PCDHGA3: variants seen among roughly 807,000 people sequenced by gnomAD.
The protein encoded by PCDHGA3 is protocadherin gamma-A3.
PCDHGA3 carries 40 observed loss-of-function variants against 58.5 expected under a neutral mutation model. That is an observed-to-expected ratio of 0.68 (90% CI 0.53 to 0.89). The LOEUF is 0.89. Ranked by LOEUF, PCDHGA3 falls within the 40% of genes least tolerant of loss-of-function variation. The pLI is 0.00. For missense variants in PCDHGA3, 1,223 were observed against 1,195.9 expected (o/e 1.02, Z -0.33); for synonymous variants, 530 against 525.7 (o/e 1.01, Z -0.11).
chr5:141,357,319 T>C, intron 1 of PCDHGA3: 6 of 1,614,060 alleles, frequency 3.7e-6, no homozygotes, highest in Non-Finnish European at 5.1e-6. Context: ...CTTCCTGGCT[T>C]TTGTCACGGT....
chr5:141,482,609 A>G (rs2099569274), intron 1 of PCDHGA3, among the ~76,000 whole-genome samples: 1 of 151,770 alleles, frequency 6.6e-6, no homozygotes, highest in African/African-American at 2.4e-5. Context: ...AAACACCTAA[A>G]TGAGCCTGGA....
intron 1 of PCDHGA3, chr5:141,399,347 A>G: frequency 6.2e-7 from 1 of 1,613,926 alleles, no homozygotes. Flanking sequence ...GGAACCCTAG[A>G]CCGAGAGCAA....
chr5:141,419,065 C>T (rs763008753), intron 1 of PCDHGA3: 3 of 1,613,904 alleles, frequency 1.9e-6, no homozygotes, highest in Non-Finnish European at 2.5e-6. Flanking sequence ...ATAATTACTA[C>T]AAGCTAGTAA....
rs1457099502 is a variant in PCDHGA3 at position 141,477,430 on chromosome 5, A to G, written c.2425-17377A>G. The G allele has an allele frequency of 1.2e-6, 2 of 1,614,162 alleles. No individual in the cohort carries two copies. The highest frequency in any genetic ancestry group is 1.7e-6 in the Non-Finnish European group (2 of 1,180,020). Reference sequence around the variant, plus strand: ...GAGACGCCGGAACCCCTTCCCTCTCAGCCCTTACAATAGTGCGTGTTCAAG... The same window carrying G: ...GAGACGCCGGAACCCCTTCCCTCTCGGCCCTTACAATAGTGCGTGTTCAAG... On this transcript the variant is annotated intron_variant, in intron 1 of 3. Transcript: ENST00000253812. This position sits in a 1 kb window ranked among gnomAD's most constrained non-coding sequence, Gnocchi z 4.9.
rs368512862 is a variant in PCDHGA3 at position 141,491,734 on chromosome 5, G to T, written c.2425-3073G>T. ...CTCGGCGCCGCCCCGGGCGACCCCT[G>T]GGGGCGGCACTGGAGAAGCCGCCCG... On this transcript the variant is annotated intron_variant, in intron 1 of 3. Transcript: ENST00000253812. The surrounding 1 kb of genome is among the most constrained non-coding windows in gnomAD (Gnocchi z 6.9). 2.5e-4 allele frequency: 403 copies of T among 1,602,056 alleles called. No individual in the cohort carries two copies. Among genetic ancestry groups the T allele is most frequent in the Non-Finnish European group, 3.2e-4 (380 of 1,174,948 alleles).
intron 1 of PCDHGA3, chr5:141,355,640 A>G (rs373212603): frequency 6.2e-7 from 1 of 1,613,988 alleles, no homozygotes; most frequent in East Asian, 2.2e-5. Context: ...GAAAATGAAA[A>G]TCCTGGGGCA....
rs1464357405 is a variant in PCDHGA3 at position 141,476,385 on chromosome 5, A to G, written c.2425-18422A>G. On this transcript the variant is annotated intron_variant, in intron 1 of 3. Coordinates refer to ENST00000253812, the MANE Select transcript of PCDHGA3 (RefSeq NM_018916.4). The surrounding 1 kb of genome is among the most constrained non-coding windows in gnomAD (Gnocchi z 7.6). ...GAGACCGGAGAGATGTTTGTGAACG[A>G]CCGTCTGGATCGAGAGGAGCTGTGT... The G allele has an allele frequency of 4.3e-6, 7 of 1,614,062 alleles. No homozygotes were observed. The highest frequency in any genetic ancestry group is 5.9e-6 in the Non-Finnish European group (7 of 1,180,020).
intron 1 of PCDHGA3, chr5:141,478,312 C>T (rs768312280): frequency 8.1e-6 from 13 of 1,614,002 alleles, no homozygotes; most frequent in East Asian, 2.2e-5. Flanking sequence ...CCCCGGTGAG[C>T]TCACTGTACC....
chr5:141,397,986 C>G, intron 1 of PCDHGA3: 2 of 1,316,082 alleles, frequency 1.5e-6, no homozygotes, highest in Non-Finnish European at 2.1e-6. Flanking sequence ...GCCTTTACAC[C>G]GCTTCCTCCT....
Position 141,432,691 on chromosome 5 carries a change from G to T in PCDHGA3, c.2425-62116G>T. 1 of 1,613,942 alleles carries T rather than the reference G, an allele frequency of 6.2e-7. No individual in the cohort carries two copies. The highest frequency in any genetic ancestry group is 1.1e-5 in the South Asian group (1 of 91,068). On this transcript the variant is annotated intron_variant, in intron 1 of 3. Coordinates refer to ENST00000253812, the MANE Select transcript of PCDHGA3 (RefSeq NM_018916.4). This position sits in a 1 kb window ranked among gnomAD's most constrained non-coding sequence, Gnocchi z 6.0. ...ACGCGCTCAAGCAGAGCCTCGTAGT[G>T]GCCGTCCAGGACCACGGCCAGCCCC... is the stretch of plus-strand genomic sequence containing the variant.
chr5:141,350,530 G>T, intron 1 of PCDHGA3: 3 of 1,614,064 alleles, frequency 1.9e-6, no homozygotes, highest in Non-Finnish European at 1.7e-6. Flanking sequence ...TAGATCGAGA[G>T]AAGATTTGCG....
intron 1 of PCDHGA3, chr5:141,410,181 T>C: frequency 6.2e-7 from 1 of 1,613,814 alleles, no homozygotes; most frequent in South Asian, 1.1e-5. Context: ...ACCGCCACGC[T>C]TCATCTGGTC....
intron 1 of PCDHGA3, chr5:141,384,915 G>C (rs1460379128): frequency 1.2e-6 from 2 of 1,613,914 alleles, no homozygotes; most frequent in Non-Finnish European, 1.7e-6. Context: ...CCGAAGTCTT[G>C]GCCGACCTGG....
rs373882091 is a variant in PCDHGA3 at position 141,432,369 on chromosome 5, A to T, written c.2425-62438A>T. 1.2e-6 allele frequency: 2 copies of T among 1,614,104 alleles called. No homozygotes were observed. Among genetic ancestry groups the T allele is most frequent in the African/African-American group, 2.7e-5 (2 of 74,938 alleles). On this transcript the variant is annotated intron_variant, in intron 1 of 3. Transcript: ENST00000253812. The surrounding 1 kb of genome is among the most constrained non-coding windows in gnomAD (Gnocchi z 6.0). Reference sequence around the variant, plus strand: ...CAAGTGAAAGTGATGGCGCGGGACAACGGGCACCCGCCCCTCAGCAGCAAC... The same window carrying T: ...CAAGTGAAAGTGATGGCGCGGGACATCGGGCACCCGCCCCTCAGCAGCAAC...
At chr5:141,365,090 A>G (rs774588043) in intron 1 of PCDHGA3, 1 of 1,613,830 alleles carries the variant, frequency 6.2e-7, no homozygotes, top group East Asian at 2.2e-5. Flanking sequence ...TGTTCCAGAG[A>G]ACATACCTGT....
chr5:141,369,477 G>A (rs372546289), intron 1 of PCDHGA3, among the ~76,000 whole-genome samples: 20 of 151,976 alleles, frequency 1.3e-4, no homozygotes, highest in East Asian at 5.8e-4. Flanking sequence ...GCCCAGCCTG[G>A]GCAACATAGT....
chr5:141,388,920 A>T, intron 1 of PCDHGA3: 3 of 1,613,996 alleles, frequency 1.9e-6, no homozygotes, highest in East Asian at 2.2e-5. Flanking sequence ...CCCAGAAGTG[A>T]TATTCCAGTC....
At position 141,356,943 on chromosome 5, in the gene PCDHGA3, C is replaced by T. The variant is rs374189449; in HGVS notation, c.2424+10486C>T. 109 of 1,614,240 alleles carry T rather than the reference C, an allele frequency of 6.8e-5. No homozygotes were observed. The African/African-American group carries it at 9.1e-4, about 13-fold the overall frequency. On this transcript the variant is annotated intron_variant, in intron 1 of 3. Transcript: ENST00000253812. ...CTGGTGTGGAGCTGGCACCCCGCTC[C>T]GCAGATTCCGGCTACCTGGTGACCA... is the stretch of plus-strand genomic sequence containing the variant.
At chr5:141,505,121 C>A (rs1194549194) in intron 2 of PCDHGA3, among the ~76,000 whole-genome samples, 1 of 152,168 alleles carries the variant, frequency 6.6e-6, no homozygotes, top group Non-Finnish European at 1.5e-5. Context: ...AAGATCGCGC[C>A]ACTGCACTCC....
Sources: allele counts gnomAD v4.1 joint callset (sites outside exome capture counted in the v4.1 genomes callset), GRCh38; gene constraint gnomAD v4.1.1; non-coding constraint Gnocchi (gnomAD v3.1); transcripts MANE v1.5; gene names NCBI Gene and HGNC (gene_info 2026-07-23, HGNC 2026-07-21).